TRIO: variants seen among roughly 807,000 people sequenced by gnomAD.
TRIO encodes trio Rho guanine nucleotide exchange factor.
Under a neutral mutation model 351.9 loss-of-function variants are expected in TRIO, and 58 were observed. The observed-to-expected ratio is 0.16, with a 90% CI of 0.13 to 0.21. TRIO has a LOEUF of 0.21. Among genes scored for constraint, TRIO ranks in the 10% least tolerant of loss-of-function variants. The pLI, the probability that TRIO is intolerant of heterozygous loss-of-function variation, is 1.00. For synonymous variants in TRIO, 1,758 were observed against 1,595.7 expected (o/e 1.10, Z -2.42); for missense variants, 3,201 against 4,027.8 (o/e 0.79, Z 5.56).
chr5:14,440,270 C>T (rs561149684), intron 34 of TRIO, among the ~76,000 whole-genome samples: 3 of 152,232 alleles, frequency 2.0e-5, no homozygotes, highest in Non-Finnish European at 4.4e-5. Context: ...AGATATGTGG[C>T]GAATATTCCA....
intron 48 of TRIO, among the ~76,000 whole-genome samples, chr5:14,492,168 A>G (rs1269128955): frequency 2.0e-5 from 3 of 152,170 alleles, no homozygotes; most frequent in African/African-American, 2.4e-5. Flanking sequence ...AATTAATTCT[A>G]ATACCTTTTT....
At chr5:14,436,500 C>A (rs1213160834) in intron 34 of TRIO, among the ~76,000 whole-genome samples, 1 of 152,188 alleles carries the variant, frequency 6.6e-6, no homozygotes, top group East Asian at 1.9e-4. Flanking sequence ...ATCATACTTT[C>A]CAAACAGTCC....
At chr5:14,460,990 G>A (rs1282759138) in intron 34 of TRIO, 29 bp from the exon 35 acceptor site, 3 of 1,525,300 alleles carry the variant, frequency 2.0e-6, no homozygotes, top group Non-Finnish European at 2.6e-6. Flanking sequence ...GTGCGAGTCA[G>A]TGATACTCCC....
At chr5:14,375,449 A>G (rs559882221) in intron 19 of TRIO, among the ~76,000 whole-genome samples, 1 of 152,308 alleles carries the variant, frequency 6.6e-6, no homozygotes, top group South Asian at 2.1e-4. Flanking sequence ...TGTTTCGTTT[A>G]TTCCCTCGTT....
intron 33 of TRIO, among the ~76,000 whole-genome samples, chr5:14,407,995 A>G (rs1359443076): frequency 6.6e-6 from 1 of 152,232 alleles, no homozygotes; most frequent in East Asian, 1.9e-4. Context: ...CTCCAATGCA[A>G]GTCAGACCTC....
chr5:14,231,304 G>C (rs1180772433), intron 1 of TRIO, among the ~76,000 whole-genome samples: 2 of 152,198 alleles, frequency 1.3e-5, no homozygotes, highest in African/African-American at 4.8e-5. Flanking sequence ...TACTACTGTT[G>C]TGTCTGAAAC....
At chr5:14,298,862 A>G (rs1437489241) in intron 7 of TRIO, among the ~76,000 whole-genome samples, 1 of 152,266 alleles carries the variant, frequency 6.6e-6, no homozygotes, top group Non-Finnish European at 1.5e-5. Context: ...TTTTAAAGTA[A>G]CAGGAACTGC....
At chr5:14,425,706 G>A (rs1294334000) in intron 34 of TRIO, among the ~76,000 whole-genome samples, 1 of 152,172 alleles carries the variant, frequency 6.6e-6, no homozygotes, top group Non-Finnish European at 1.5e-5. Flanking sequence ...GATCATGAGG[G>A]CAGAGCCCTT....
intron 11 of TRIO, among the ~76,000 whole-genome samples, chr5:14,350,827 C>T (rs1743014767): frequency 6.6e-6 from 1 of 152,058 alleles, no homozygotes; most frequent in Non-Finnish European, 1.5e-5. Context: ...TCCCCAGGGA[C>T]CGGTTTTGTG....
At chr5:14,235,993 C>T (rs1467220291) in intron 1 of TRIO, among the ~76,000 whole-genome samples, 2 of 151,928 alleles carry the variant, frequency 1.3e-5, no homozygotes, top group Admixed American at 1.3e-4. Context: ...TTCGATGATA[C>T]ATAAAACTTA....
intron 8 of TRIO, among the ~76,000 whole-genome samples, chr5:14,309,085 C>T (rs1738671829): frequency 2.5e-4 from 1 of 3,930 alleles, no homozygotes; most frequent in African/African-American, 9.4e-4. Flanking sequence ...CCCACCCACC[C>T]ATCCACACAT....
chr5:14,412,986 G>C (rs772897942), intron 33 of TRIO, among the ~76,000 whole-genome samples: 1 of 143,816 alleles, frequency 7.0e-6, no homozygotes, highest in Non-Finnish European at 1.5e-5. Flanking sequence ...CATATATTTA[G>C]ATCAGTGACT....
rs368322906 is a variant in TRIO, at chr5:14,357,570, C to T, written c.2047-608C>T. Among the ~76,000 whole-genome samples, 4 of 151,940 alleles carry T rather than the reference C, an allele frequency of 2.6e-5. No homozygotes were observed. In the East Asian group the frequency reaches 5.8e-4, roughly 22 times the overall value. ...AGTGGAGGTGTCTGCATCTTTTCAG[C>T]ATGCACACTCTTTCCGTTGAAGGCC... On this transcript the variant is annotated intron_variant, in intron 11 of 56. Coordinates refer to ENST00000344204, the MANE Select transcript of TRIO (RefSeq NM_007118.4).
At chr5:14,293,987 G>A (rs1241709072) in intron 6 of TRIO, among the ~76,000 whole-genome samples, 2 of 144,548 alleles carry the variant, frequency 1.4e-5, no homozygotes, top group Non-Finnish European at 3.0e-5. Flanking sequence ...ACCGGCCTGG[G>A]CAACACAGCA....
intron 8 of TRIO, among the ~76,000 whole-genome samples, chr5:14,305,046 T>C (rs1412325074): frequency 6.6e-6 from 1 of 152,246 alleles, no homozygotes; most frequent in Non-Finnish European, 1.5e-5. Context: ...ATTATTTACT[T>C]AGTGAATCCC....
intron 55 of TRIO, among the ~76,000 whole-genome samples, chr5:14,506,407 A>G (rs1259634541): frequency 2.7e-5 from 4 of 150,636 alleles, no homozygotes; most frequent in African/African-American, 7.3e-5. Context: ...CGGTGTTGAG[A>G]GAGGTGGGGG....
chr5:14,145,913 C>T (rs1453614276), intron 1 of TRIO, among the ~76,000 whole-genome samples: 1 of 152,192 alleles, frequency 6.6e-6, no homozygotes, highest in African/African-American at 2.4e-5. Context: ...TGGGTCAGAA[C>T]CAGGTAATGT....
At chr5:14,151,147 G>A (rs1176261771) in intron 1 of TRIO, among the ~76,000 whole-genome samples, 1 of 152,134 alleles carries the variant, frequency 6.6e-6, no homozygotes, top group Non-Finnish European at 1.5e-5. Context: ...AACTATAGGA[G>A]GTCATTTGCC....
intron 46 of TRIO, among the ~76,000 whole-genome samples, chr5:14,483,563 C>A (rs537188666): frequency 6.6e-6 from 1 of 152,208 alleles, no homozygotes; most frequent in Admixed American, 6.5e-5. Context: ...CCATCCGACT[C>A]TCCGTTCAGG....
Sources: allele counts gnomAD v4.1 joint callset (sites outside exome capture counted in the v4.1 genomes callset), GRCh38; gene constraint gnomAD v4.1.1; transcripts MANE v1.5; gene names NCBI Gene and HGNC (gene_info 2026-07-23, HGNC 2026-07-21).